Variants in PRKG1 observed in about 807,000 individuals in gnomAD.
The protein encoded by PRKG1 is protein kinase cGMP-dependent 1.
In PRKG1, 35 loss-of-function variants were observed where a neutral mutation model predicts 88.1. That is an observed-to-expected ratio of 0.40 (90% CI 0.30 to 0.53). The LOEUF (loss-of-function observed/expected upper bound fraction) is 0.53. PRKG1 is among the 20% of genes least tolerant of loss of function. PRKG1 has a pLI of 0.59. For missense variants in PRKG1, 540 were observed against 839.8 expected (o/e 0.64, Z 4.41); for synonymous variants, 303 against 292.5 (o/e 1.04, Z -0.37).
At chr10:51,780,440 G>A (rs1357184048) in intron 3 of PRKG1, among the ~76,000 whole-genome samples, 1 of 152,080 alleles carries the variant, frequency 6.6e-6, no homozygotes, top group East Asian at 1.9e-4. Context: ...TCTGTCTTCA[G>A]TATTTTATCA....
chr10:51,993,293 T>C (rs1206630562), intron 5 of PRKG1, among the ~76,000 whole-genome samples: 1 of 152,098 alleles, frequency 6.6e-6, no homozygotes, highest in Non-Finnish European at 1.5e-5. Flanking sequence ...TAGTATAGGC[T>C]ATGTATATTG....
At chr10:51,463,212 G>T (rs776400033) in intron 2 of PRKG1, among the ~76,000 whole-genome samples, 5 of 151,736 alleles carry the variant, frequency 3.3e-5, no homozygotes, top group Non-Finnish European at 7.4e-5. Context: ...TTTTTTAAAA[G>T]AAATAGATAT....
intron 5 of PRKG1, among the ~76,000 whole-genome samples, chr10:51,970,737 TTATATATATATATCAGATATATCAGATTA>T (rs1843691593): frequency 1.6e-5 from 2 of 124,440 alleles, no homozygotes; most frequent in African/African-American, 9.3e-5. Context: ...ATATATCAGA[TTATATATATATATCAGATATATCAGATTA>T]TATATATATA....
chr10:52,071,361 T>C (rs1846492755), intron 7 of PRKG1, among the ~76,000 whole-genome samples: 1 of 152,202 alleles, frequency 6.6e-6, no homozygotes, highest in Non-Finnish European at 1.5e-5. Context: ...ATGAACTCAA[T>C]GTTCAGCTCC....
intron 2 of PRKG1, among the ~76,000 whole-genome samples, chr10:51,423,361 C>G (rs769129966): frequency 4.6e-5 from 7 of 152,204 alleles, no homozygotes; most frequent in Non-Finnish European, 8.8e-5. Flanking sequence ...TACCATCTTT[C>G]TAATAATGTT....
intron 2 of PRKG1, among the ~76,000 whole-genome samples, chr10:51,172,006 T>C: frequency 5.5e-4 from 1 of 1,810 alleles, no homozygotes; most frequent in African/African-American, 2.2e-3. Context: ...AAGTGTAGCA[T>C]TTCAATTACC....
chr10:51,875,384 T>A (rs529634004), intron 4 of PRKG1, among the ~76,000 whole-genome samples: 69 of 148,662 alleles, frequency 4.6e-4, no homozygotes, highest in African/African-American at 7.2e-4. Context: ...ATAATTGTTT[T>A]AAAAAAAAAA....
intron 7 of PRKG1, among the ~76,000 whole-genome samples, chr10:52,110,829 G>A (rs546842561): frequency 1.6e-4 from 24 of 152,226 alleles, no homozygotes; most frequent in African/African-American, 5.5e-4. Flanking sequence ...GACCAACTGC[G>A]TGCAGAACTG....
Position 51,166,697 on chromosome 10 carries a change from T to A in PRKG1, c.478+13367T>A, listed in dbSNP as rs1479388023. 2.6e-5 allele frequency among the ~76,000 whole-genome samples: 4 copies of A among 152,196 alleles called. No homozygotes were observed. In the East Asian group the frequency reaches 7.7e-4, roughly 29 times the overall value. On this transcript the variant is annotated intron_variant, in intron 2 of 17. Coordinates refer to ENST00000373980, the MANE Select transcript of PRKG1 (RefSeq NM_006258.4). The stretch of plus-strand genomic sequence containing the variant: ...GGCACATGAAATAGGAAAAATATTT[T>A]GGAAAATTTTTCTTCATGTTGAGTA...
intron 3 of PRKG1, among the ~76,000 whole-genome samples, chr10:51,629,912 A>C (rs1839480728): frequency 6.6e-6 from 1 of 152,194 alleles, no homozygotes; most frequent in South Asian, 2.1e-4. Flanking sequence ...CTAATGTTTG[A>C]AACATGTCAG....
intron 3 of PRKG1, among the ~76,000 whole-genome samples, chr10:51,618,814 G>T (rs1373847525): frequency 6.6e-6 from 1 of 151,942 alleles, no homozygotes; most frequent in African/African-American, 2.4e-5. Context: ...TGTCACCCAG[G>T]CTGGAGTGTA....
intron 3 of PRKG1, among the ~76,000 whole-genome samples, chr10:51,618,547 A>G (rs1839123805): frequency 6.6e-6 from 1 of 152,124 alleles, no homozygotes; most frequent in Non-Finnish European, 1.5e-5. Flanking sequence ...GCATATATGA[A>G]CTCACTTTAG....
In PRKG1 at chr10:51,330,141, AT is replaced by A. The variant is rs1564449018; in HGVS notation, c.479-137579del. Among the ~76,000 whole-genome samples, 8 of 112,048 alleles carry A rather than the reference AT, an allele frequency of 7.1e-5. No individual in the cohort carries two copies. The South Asian group carries it at 8.1e-4, about 11-fold the overall frequency. The allele number at this position is 112,048 out of a possible 152,430, so 73.5% of individuals were successfully genotyped here. A position where few individuals can be genotyped will look rare whatever the true frequency, so the allele number is the denominator to read the frequency against. ...TATTTATTTATTTATTTATTTATTT[AT>A]TTATTTTTTATTTATTTTTTTTTTT... On this transcript the variant is annotated intron_variant, in intron 2 of 17. Transcript: ENST00000373980.
intron 2 of PRKG1, among the ~76,000 whole-genome samples, chr10:51,321,176 T>A (rs960025207): frequency 1.3e-5 from 2 of 152,160 alleles, no homozygotes; most frequent in African/African-American, 2.4e-5. Context: ...ATTAGTGTGG[T>A]CTTTGAAGCC....
In PRKG1 at chr10:52,295,147, G is replaced by C. The variant is rs1199759866; in HGVS notation, c.*1247G>C. 6.6e-6 allele frequency: 1 copy of C among 151,940 alleles called. No homozygotes were observed. The highest frequency in any genetic ancestry group is 1.5e-5 in the Non-Finnish European group (1 of 67,970). 9.4% of individuals were successfully genotyped at this position (151,940 alleles called of 1,614,324 possible). ...AAATAAAAGAAGTAGAAAAGACAAA[G>C]AAAGAAAGCCCAAAGTCAAAGTTGT... On this transcript the variant is annotated 3_prime_UTR_variant, in exon 18 of 18. Coordinates refer to ENST00000373980, the MANE Select transcript of PRKG1 (RefSeq NM_006258.4).
intron 3 of PRKG1, among the ~76,000 whole-genome samples, chr10:51,480,945 C>T (rs1054229072): frequency 3.3e-5 from 5 of 151,822 alleles, no homozygotes; most frequent in African/African-American, 1.2e-4. Context: ...TGGTATGAGT[C>T]TAGGAAATAC....
At chr10:52,271,853 TA>T (rs1477752611) in intron 11 of PRKG1, among the ~76,000 whole-genome samples, 1 of 152,028 alleles carries the variant, frequency 6.6e-6, no homozygotes, top group East Asian at 1.9e-4. Context: ...TTTGAAGATC[TA>T]AAAAAATGAA....
At chr10:51,515,782 C>T (rs1841563309) in intron 3 of PRKG1, among the ~76,000 whole-genome samples, 1 of 152,058 alleles carries the variant, frequency 6.6e-6, no homozygotes, top group African/African-American at 2.4e-5. Context: ...TTAGCCTGGC[C>T]CACTCAACCC....
At chr10:51,960,065 C>T (rs1046815993) in intron 5 of PRKG1, among the ~76,000 whole-genome samples, 9 of 151,328 alleles carry the variant, frequency 5.9e-5, no homozygotes, top group Non-Finnish European at 1.2e-4. Flanking sequence ...AACTTCTAGA[C>T]ATCATCTAAT....
Sources: gnomAD v4.1 joint callset for allele counts (sites outside exome capture counted in the v4.1 genomes callset) on GRCh38, gnomAD v4.1.1 for gene constraint, MANE v1.5 for transcripts, NCBI Gene and HGNC (gene_info 2026-07-23, HGNC 2026-07-21) for gene names.